The following MARK4 variants were observed in gnomAD, a reference collection of about 807,000 sequenced individuals.
MARK4 encodes microtubule affinity regulating kinase 4.
A neutral mutation model predicts 81.5 loss-of-function variants in MARK4; 19 were observed. That is an observed-to-expected ratio of 0.23 (90% confidence interval 0.16 to 0.34). MARK4 has a LOEUF of 0.34. Among genes scored for constraint, MARK4 ranks in the 10% least tolerant of loss-of-function variants. MARK4 has a pLI of 1.00. For synonymous variants in MARK4, 436 were observed against 439.0 expected, an observed-to-expected ratio of 0.99 and a Z score of 0.08; for missense variants, 772 against 1,058.8, an observed-to-expected ratio of 0.73 and a Z score of 3.76.
In MARK4 at chr19:45,259,115, C is replaced by T. The variant is rs771153722; in HGVS notation, c.178C>T (p.Arg60Cys). 4.3e-6 allele frequency: 7 copies of T among 1,614,048 alleles called. No homozygotes were observed. The highest frequency in any genetic ancestry group is 2.7e-5 in the African/African-American group (2 of 74,948). The stretch of plus-strand genomic sequence containing the variant: ...GGAGCAGCCCCACGTGGGCAACTAC[C>T]GCCTGCTGAGGACCATTGGGAAGGG... ...PEEQPHVGNY[R>C]LLRTIGKGNF... Residue 60 changes from arginine (R) to cysteine (C), a missense_variant, in exon 2 of 17, where the codon CGC becomes TGC. Transcript: ENST00000262891.
In MARK4 at chr19:45,263,207, C is replaced by T. The variant is rs372199976; in HGVS notation, c.306+41C>T. On this transcript the variant is annotated intron_variant, in intron 3 of 16. Coordinates refer to ENST00000262891, the MANE Select transcript of MARK4 (RefSeq NM_001199867.2). ...CGGGGGAGAGCAGGAGCCAGGCTTC[C>T]GGCACAGCCGGGTGACCCACCTGAC... The T allele has an allele frequency of 6.5e-5, 105 of 1,612,434 alleles. No individual in the cohort carries two copies. The South Asian group carries it at 8.4e-4, about 13-fold the overall frequency.
intron 7 of MARK4, among the ~76,000 whole-genome samples, chr19:45,270,477 G>C (rs973163985): frequency 6.6e-6 from 1 of 152,080 alleles, no homozygotes; most frequent in Non-Finnish European, 1.5e-5. Context: ...GCCTTATTTT[G>C]TTTCTGCTGG....
intron 9 of MARK4, 72 bp from the exon 10 acceptor site, chr19:45,278,444 G>A: frequency 7.4e-7 from 1 of 1,356,346 alleles, no homozygotes; most frequent in Non-Finnish European, 1.1e-6. Flanking sequence ...GTTTGGGGCA[G>A]GGCAGAAGCT....
In MARK4 at chr19:45,301,683, AC is replaced by A. The variant is rs536302563; in HGVS notation, c.1923-689del. ...AGACCATCCTGGCTGACACGGTGAAACCGTGTCTCTACTAAAAATACAAAAA... is the reference window on the plus strand; with the variant it reads ...AGACCATCCTGGCTGACACGGTGAAACGTGTCTCTACTAAAAATACAAAAA... On this transcript the variant is annotated intron_variant, in intron 16 of 16. Transcript: ENST00000262891. Among the ~76,000 whole-genome samples the A allele has an allele frequency of 2.0e-5, 3 of 151,534 alleles. No individual in the cohort carries two copies. In the East Asian group the frequency reaches 5.8e-4, roughly 29 times the overall value.
At chr19:45,260,722 A>G (rs1970370464) in intron 2 of MARK4, among the ~76,000 whole-genome samples, 1 of 151,966 alleles carries the variant, frequency 6.6e-6, no homozygotes, top group Admixed American at 6.6e-5. Context: ...ATAAATAAAT[A>G]GTAAATAAAT....
chr19:45,256,134 C>T (rs992032544), intron 1 of MARK4, among the ~76,000 whole-genome samples: 1 of 152,158 alleles, frequency 6.6e-6, no homozygotes. Context: ...GGTCTCAGGG[C>T]CAGTGAAAGA....
chr19:45,264,358 G>T (rs750362762), intron 4 of MARK4, among the ~76,000 whole-genome samples: 2 of 151,964 alleles, frequency 1.3e-5, no homozygotes, highest in South Asian at 4.2e-4. Flanking sequence ...AAAATTAGCC[G>T]GATATGGTGG....
At chr19:45,257,988 CT>C (rs750146000) in intron 1 of MARK4, among the ~76,000 whole-genome samples, 26,744 of 131,480 alleles carry the variant, frequency 0.2, 2,924 homozygotes, top group South Asian at 0.29. Context: ...CATGCCTGGC[CT>C]TTTTTTTTTT....
intron 8 of MARK4, among the ~76,000 whole-genome samples, chr19:45,276,021 C>A (rs974937479): frequency 1.3e-5 from 2 of 151,958 alleles, no homozygotes; most frequent in Non-Finnish European, 2.9e-5. Flanking sequence ...TGCCTCCCTT[C>A]GTTTTTTTTG....
intron 2 of MARK4, among the ~76,000 whole-genome samples, chr19:45,260,993 TG>T (rs1299493446): frequency 6.6e-6 from 1 of 152,138 alleles, no homozygotes; most frequent in Non-Finnish European, 1.5e-5. Context: ...AAAGGAATGG[TG>T]GGTGATTTCA....
intron 13 of MARK4, among the ~76,000 whole-genome samples, chr19:45,293,391 A>G (rs779784891): frequency 6.6e-6 from 1 of 152,260 alleles, no homozygotes; most frequent in Non-Finnish European, 1.5e-5. Flanking sequence ...ACATTAAAAG[A>G]TAGTAAGATG....
At chr19:45,289,953 C>T (rs559821853) in intron 13 of MARK4, among the ~76,000 whole-genome samples, 1 of 151,620 alleles carries the variant, frequency 6.6e-6, no homozygotes, top group South Asian at 2.1e-4. Flanking sequence ...AAAAATTAGT[C>T]CGGTGTGGTG....
intron 9 of MARK4, 24 bp from the exon 10 acceptor site, chr19:45,278,492 C>T: frequency 6.2e-7 from 1 of 1,604,038 alleles, no homozygotes; most frequent in Non-Finnish European, 8.5e-7. Flanking sequence ...TGTCTTCCCC[C>T]TTCCCTGCTC....
chr19:45,279,289 G>A (rs1344210009), intron 10 of MARK4, among the ~76,000 whole-genome samples: 3 of 152,086 alleles, frequency 2.0e-5, no homozygotes, highest in Non-Finnish European at 4.4e-5. Flanking sequence ...GGCTGAGGCT[G>A]ACAGATCACC....
intron 10 of MARK4, among the ~76,000 whole-genome samples, 193 bp downstream of exon 10, chr19:45,278,808 T>TTGGCCATGC (rs1385410204): frequency 6.6e-6 from 1 of 152,198 alleles, no homozygotes; most frequent in Non-Finnish European, 1.5e-5. Flanking sequence ...TTTTGCCATG[T>TTGGCCATGC]TGGCCATGCT....
At chr19:45,278,105 T>C (rs1970625222) in intron 9 of MARK4, 63 bp downstream of exon 9, 2 of 1,592,774 alleles carry the variant, frequency 1.3e-6, no homozygotes. Context: ...AAACTCTGCC[T>C]GCCCCCACCC....
intron 8 of MARK4, among the ~76,000 whole-genome samples, chr19:45,276,567 A>G (rs937420273): frequency 1.9e-4 from 29 of 150,780 alleles, no homozygotes; most frequent in Non-Finnish European, 3.7e-4. Flanking sequence ...AGTGAATCTC[A>G]TATTTACATA....
intron 1 of MARK4, among the ~76,000 whole-genome samples, chr19:45,252,613 C>A (rs1970258566): frequency 6.6e-6 from 1 of 152,080 alleles, no homozygotes; most frequent in South Asian, 2.1e-4. Flanking sequence ...AAGGAAGCCC[C>A]CTCCTCAGCT....
chr19:45,261,391 C>A (rs1970378813), intron 2 of MARK4, among the ~76,000 whole-genome samples: 3 of 152,184 alleles, frequency 2.0e-5, no homozygotes, highest in Non-Finnish European at 4.4e-5. Flanking sequence ...ATGCAAAGTT[C>A]TTTTCCCTTT....
Sources: gnomAD v4.1 joint callset for allele counts (sites outside exome capture counted in the v4.1 genomes callset) on GRCh38, gnomAD v4.1.1 for gene constraint, MANE v1.5 for transcripts, NCBI Gene and HGNC (gene_info 2026-07-23, HGNC 2026-07-21) for gene names.